FSTL4: variants seen among roughly 807,000 people sequenced by gnomAD.
FSTL4 encodes follistatin like 4, also known as follistatin-related protein 4.
FSTL4 carries 28 observed loss-of-function variants against 78.2 expected under a neutral mutation model. The ratio of observed to expected loss-of-function variants is 0.36; its 90% CI spans 0.27 to 0.49. The LOEUF is 0.49. FSTL4 is among the 20% of genes least tolerant of loss of function. FSTL4 has a pLI of 0.98. For synonymous variants in FSTL4, 422 were observed against 440.5 expected (o/e 0.96, Z 0.53); for missense variants, 922 against 1,084.9 (o/e 0.85, Z 2.11).
intron 2 of FSTL4, among the ~76,000 whole-genome samples, chr5:133,600,162 T>C (rs1760833409): frequency 6.6e-6 from 1 of 152,190 alleles, no homozygotes; most frequent in Non-Finnish European, 1.5e-5. Flanking sequence ...CTTCTGTTTG[T>C]CACTTTCAGT....
At chr5:133,823,451 G>T in the FSTL4 span, among the ~76,000 whole-genome samples, 65 of 152,294 alleles carry the variant, frequency 4.3e-4, no homozygotes, top group Non-Finnish European at 8.1e-4. Context: ...CAGAGGGAGT[G>T]ATGAGGCCTT....
chr5:133,541,213 G>C (rs562170778), intron 3 of FSTL4, among the ~76,000 whole-genome samples: 1 of 152,330 alleles, frequency 6.6e-6, no homozygotes, highest in South Asian at 2.1e-4. Flanking sequence ...TCTGGGGAGG[G>C]TTCAGCCAGG....
chr5:133,685,375 G>C, the FSTL4 span, among the ~76,000 whole-genome samples: 1 of 152,180 alleles, frequency 6.6e-6, no homozygotes, highest in African/African-American at 2.4e-5. Context: ...GGCCAGCTGC[G>C]TTGGGAAAGG....
At chr5:133,736,405 CTT>C in the FSTL4 span, among the ~76,000 whole-genome samples, 2 of 152,198 alleles carry the variant, frequency 1.3e-5, no homozygotes, top group East Asian at 3.9e-4. Flanking sequence ...ATTCCCCTAA[CTT>C]TTCCTGGAAT....
chr5:133,252,931 C>A (rs989373980), intron 6 of FSTL4, among the ~76,000 whole-genome samples: 1 of 152,156 alleles, frequency 6.6e-6, no homozygotes, highest in Non-Finnish European at 1.5e-5. Context: ...AGAAGATGTG[C>A]ACTTTGCGCA....
chr5:133,566,895 T>C (rs1241323638), intron 3 of FSTL4, among the ~76,000 whole-genome samples: 2 of 152,166 alleles, frequency 1.3e-5, no homozygotes, highest in Non-Finnish European at 2.9e-5. Context: ...CAAACTTCAC[T>C]CAAGAATGAG....
chr5:133,310,229 G>A (rs1303821311), intron 6 of FSTL4, among the ~76,000 whole-genome samples: 2 of 152,166 alleles, frequency 1.3e-5, no homozygotes, highest in African/African-American at 4.8e-5. Context: ...TATTATTTGG[G>A]CTGGGCTGTG....
At chr5:133,710,124 G>A in the FSTL4 span, among the ~76,000 whole-genome samples, 3 of 152,140 alleles carry the variant, frequency 2.0e-5, no homozygotes, top group Admixed American at 6.5e-5. Flanking sequence ...CGGGAAGATG[G>A]TGCTTCTCTC....
At chr5:133,645,608 G>A in the FSTL4 span, among the ~76,000 whole-genome samples, 1 of 152,120 alleles carries the variant, frequency 6.6e-6, no homozygotes, top group East Asian at 1.9e-4. Flanking sequence ...AGAACCTGGG[G>A]ATGCTGCTTT....
intron 14 of FSTL4, chr5:133,202,890 C>T (rs1038299433): frequency 6.6e-6 from 1 of 152,378 alleles, no homozygotes; most frequent in African/African-American, 2.4e-5. Flanking sequence ...CCCAGCTGCA[C>T]TCATGTCAGG....
At chr5:133,375,770 C>T (rs1178105585) in intron 4 of FSTL4, among the ~76,000 whole-genome samples, 1 of 152,130 alleles carries the variant, frequency 6.6e-6, no homozygotes, top group African/African-American at 2.4e-5. Flanking sequence ...TCAGTAATAG[C>T]CTCTAAAGTT....
intron 6 of FSTL4, among the ~76,000 whole-genome samples, chr5:133,266,390 A>C (rs2126841340): frequency 6.6e-6 from 1 of 152,374 alleles, no homozygotes; most frequent in Middle Eastern, 3.4e-3. Context: ...ACGCAGGGCA[A>C]TTGTCAGTGA....
the FSTL4 span, among the ~76,000 whole-genome samples, chr5:133,692,541 G>A: frequency 6.6e-6 from 1 of 152,204 alleles, no homozygotes; most frequent in Admixed American, 6.5e-5. Flanking sequence ...GGCACAGCTT[G>A]CAAAGCACAG....
the FSTL4 span, among the ~76,000 whole-genome samples, chr5:133,669,724 T>G: frequency 2.0e-5 from 3 of 151,794 alleles, no homozygotes; most frequent in Non-Finnish European, 4.4e-5. Context: ...CCTGGTGGAG[T>G]CAATAATTCT....
chr5:133,243,393 G>T (rs920060028), intron 7 of FSTL4, among the ~76,000 whole-genome samples: 2 of 152,060 alleles, frequency 1.3e-5, no homozygotes, highest in Admixed American at 1.3e-4. Context: ...ACAATTCCAC[G>T]TGCTGGTCTC....
At chr5:133,548,701 A>C (rs926498527) in intron 3 of FSTL4, among the ~76,000 whole-genome samples, 4 of 152,204 alleles carry the variant, frequency 2.6e-5, no homozygotes, top group Non-Finnish European at 5.9e-5. Flanking sequence ...GGAACCCATA[A>C]GACAGAATCA....
chr5:133,732,272 T>A, the FSTL4 span, among the ~76,000 whole-genome samples: 1 of 152,162 alleles, frequency 6.6e-6, no homozygotes, highest in Non-Finnish European at 1.5e-5. Context: ...GCCTGTGTAC[T>A]GATCCTCACT....
chr5:133,646,766 G>A, the FSTL4 span, among the ~76,000 whole-genome samples: 1 of 152,108 alleles, frequency 6.6e-6, no homozygotes, highest in African/African-American at 2.4e-5. Flanking sequence ...GGGTGTATGT[G>A]GTGCCATTTA....
intron 3 of FSTL4, among the ~76,000 whole-genome samples, chr5:133,480,439 G>A (rs1758004693): frequency 1.3e-5 from 2 of 152,216 alleles, no homozygotes; most frequent in Non-Finnish European, 1.5e-5. Context: ...GGCACTGAAG[G>A]TGAGAGGTGT....
Sources: gnomAD v4.1 joint callset for allele counts (sites outside exome capture counted in the v4.1 genomes callset) on GRCh38, gnomAD v4.1.1 for gene constraint, MANE v1.5 for transcripts, NCBI Gene and HGNC (gene_info 2026-07-23, HGNC 2026-07-21) for gene names.